ANP32E: variants seen among roughly 807,000 people sequenced by gnomAD.
ANP32E encodes the protein acidic nuclear phosphoprotein 32 family member E.
Under a neutral mutation model 35.3 loss-of-function variants are expected in ANP32E, and 14 were observed. That is an observed-to-expected ratio of 0.40 (90% confidence interval 0.26 to 0.62). The LOEUF (loss-of-function observed/expected upper bound fraction) is 0.62, where lower values mean the gene tolerates loss of function less well. Among genes scored for constraint, ANP32E ranks in the 20% least tolerant of loss-of-function variants. The probability of loss-of-function intolerance (pLI) is 0.45; values close to 1 mark genes in which losing one functional copy is unlikely to be tolerated. For missense variants in ANP32E, 198 were observed against 304.4 expected, an observed-to-expected ratio of 0.65 and a Z score of 2.60; for synonymous variants, 89 against 110.4, an observed-to-expected ratio of 0.81 and a Z score of 1.22.
In ANP32E at chr1:150,232,502, G is replaced by A. The variant is rs201843447; in HGVS notation, c.55-576C>T. ...TTTTTTTTTTTGTAGATGGAGTCTT[G>A]CTCTGTTACCCAGGCTGGAGTGCAA... On this transcript the variant is annotated intron_variant, in intron 1 of 6. Transcript: ENST00000583931. Among the ~76,000 whole-genome samples, 7 of 97,064 alleles carry A rather than the reference G, an allele frequency of 7.2e-5. No homozygotes were observed. The East Asian group carries it at 1.8e-3, about 26-fold the overall frequency. The allele number at this position is 97,064 out of a possible 152,430, so 63.7% of individuals were successfully genotyped here. A position where few individuals can be genotyped will look rare whatever the true frequency, so the allele number is the denominator to read the frequency against.
intron 6 of ANP32E, among the ~76,000 whole-genome samples, chr1:150,221,962 C>T (rs898785456): frequency 2.6e-5 from 4 of 151,906 alleles, no homozygotes; most frequent in Non-Finnish European, 4.4e-5. Context: ...TGGTGGTGGG[C>T]ACCTGTAGTC....
rs1572002840 is a variant in ANP32E, at chr1:150,220,822, T to C, written c.737-61A>G. Reference sequence around the variant, plus strand: ...TTTTAACAAATGAGGATTGGTTACATTTTTGAATCTTAGTGAAAAGTTAAT... The same window carrying C: ...TTTTAACAAATGAGGATTGGTTACACTTTTGAATCTTAGTGAAAAGTTAAT... On this transcript the variant is annotated intron_variant, in intron 6 of 6. Transcript: ENST00000583931. 2.7e-6 allele frequency: 4 copies of C among 1,461,920 alleles called. No homozygotes were observed. In the East Asian group the frequency reaches 6.8e-5, roughly 25 times the overall value. 90.6% of individuals were successfully genotyped at this position (1,461,920 alleles called of 1,614,324 possible).
At chr1:150,231,718 A>C (rs1649360808) in intron 2 of ANP32E, 59 bp downstream of exon 2, 14 of 1,494,536 alleles carry the variant, frequency 9.4e-6, no homozygotes, top group African/African-American at 2.1e-5. Flanking sequence ...ATTTGGCCAA[A>C]CACTAGACAT....
rs151244423 is a variant in ANP32E, at chr1:150,235,153, G to A, written c.54+580C>T. On this transcript the variant is annotated intron_variant, in intron 1 of 6. Coordinates refer to ENST00000583931, the MANE Select transcript of ANP32E (RefSeq NM_030920.5). This position sits in a 1 kb window ranked among gnomAD's most constrained non-coding sequence, Gnocchi z 4.2. The stretch of plus-strand genomic sequence containing the variant: ...CCCAGATTCCGCCGGGCGAAGGGCA[G>A]AGGGCGGCGCGCGCGGCTTCCCGGA... 0.012 allele frequency among the ~76,000 whole-genome samples: 1,897 copies of A among 152,328 alleles called. 52 individuals are homozygous for A. Among genetic ancestry groups the A allele is most frequent in the African/African-American group, 0.041 (1,684 of 41,578 alleles).
intron 1 of ANP32E, among the ~76,000 whole-genome samples, chr1:150,234,219 T>C (rs1649590116): frequency 6.6e-6 from 1 of 151,970 alleles, no homozygotes; most frequent in South Asian, 2.1e-4. Context: ...GGGGGCGGGA[T>C]TCAATTTTCC....
At chr1:150,233,838 G>C (rs782732502) in intron 1 of ANP32E, among the ~76,000 whole-genome samples, 1 of 152,078 alleles carries the variant, frequency 6.6e-6, no homozygotes, top group Non-Finnish European at 1.5e-5. Context: ...AGAATGGCTT[G>C]CCTAGAGTCA....
intron 1 of ANP32E, chr1:150,234,706 C>A: frequency 1.0e-6 from 1 of 984,046 alleles, no homozygotes; most frequent in Non-Finnish European, 1.2e-6. Flanking sequence ...GCGGGGACTC[C>A]CCAAGGAAAA....
chr1:150,225,438 G>C (rs929520909), intron 5 of ANP32E, among the ~76,000 whole-genome samples: 1 of 152,068 alleles, frequency 6.6e-6, no homozygotes, highest in Non-Finnish European at 1.5e-5. Flanking sequence ...GGGATGCCAA[G>C]GTGGGCGGAT....
intron 3 of ANP32E, among the ~76,000 whole-genome samples, chr1:150,229,709 C>G (rs1332824297): frequency 6.6e-6 from 1 of 152,230 alleles, no homozygotes; most frequent in Admixed American, 6.5e-5. Flanking sequence ...AACTCCTGAC[C>G]TCAGGTGATC....
At position 150,219,159 on chromosome 1, in the gene ANP32E, A is replaced by T. The variant is rs1648147745; in HGVS notation, c.*1532T>A. 6.6e-6 allele frequency: 1 copy of T among 152,220 alleles called. No homozygotes were observed. The highest frequency in any genetic ancestry group is 1.5e-5 in the Non-Finnish European group (1 of 68,030). 9.4% of individuals were successfully genotyped at this position (152,220 alleles called of 1,614,324 possible). ...GTATTTAAATATGTCCCAGTATAGA[A>T]GCATAACTTCAATTAATTTGCTGAC... On this transcript the variant is annotated 3_prime_UTR_variant, in exon 7 of 7. Transcript: ENST00000583931.
chr1:150,232,534 G>A (rs1486027378), intron 1 of ANP32E, among the ~76,000 whole-genome samples: 1 of 141,414 alleles, frequency 7.1e-6, no homozygotes, highest in Non-Finnish European at 1.5e-5. Flanking sequence ...GCAATGGCAC[G>A]ATCTCGGCTC....
rs1319453838 is a variant in ANP32E at position 150,235,559 on chromosome 1, A to G, written c.54+174T>C. Among the ~76,000 whole-genome samples the G allele has an allele frequency of 6.6e-6, 1 of 152,220 alleles. No homozygotes were observed. The highest frequency in any genetic ancestry group is 1.5e-5 in the Non-Finnish European group (1 of 68,046). On this transcript the variant is annotated intron_variant, in intron 1 of 6. Transcript: ENST00000583931. The surrounding 1 kb of genome is among the most constrained non-coding windows in gnomAD (Gnocchi z 4.2). ...AGAAACTTCAACCCTTCGCCATTTTAAGTAGAAGATTTTAATGATTTAAAA... is the reference window on the plus strand; with the variant it reads ...AGAAACTTCAACCCTTCGCCATTTTGAGTAGAAGATTTTAATGATTTAAAA...
intron 6 of ANP32E, among the ~76,000 whole-genome samples, chr1:150,221,417 C>T (rs1324000248): frequency 1.1e-4 from 11 of 97,232 alleles, no homozygotes; most frequent in South Asian, 3.9e-4. Context: ...CCAGTCTGGG[C>T]GACAGAGCAA....
At chr1:150,222,426 AT>A (rs1209562007) in intron 6 of ANP32E, among the ~76,000 whole-genome samples, 1,388 of 33,944 alleles carry the variant, frequency 0.041, 27 homozygotes, top group African/African-American at 0.38. Context: ...CTCAAAAAAA[AT>A]AAATAAATAA....
chr1:150,226,788 A>G lies in ANP32E; in HGVS notation c.501T>C (p.Asp167=). 3 of 1,601,172 alleles carry G rather than the reference A, an allele frequency of 1.9e-6. No homozygotes were observed. Among genetic ancestry groups the G allele is most frequent in the Non-Finnish European group, 2.6e-6 (3 of 1,175,566 alleles). The change falls in exon 5 of 7, where the codon GAT becomes GAC. Residue 167 remains aspartate (D), a synonymous_variant. Transcript: ENST00000583931. ...DSEEEDDEDG[D]EDDEEEEENE... ...TTTCCTCTTCCTCTTCATCATCTTC[A>G]TCGCCATCTTTAAAAAATCATTTAA...
rs587760949 is a variant in ANP32E, at chr1:150,221,203, C to T, written c.737-442G>A. On this transcript the variant is annotated intron_variant, in intron 6 of 6. Transcript: ENST00000583931. ...CAGTAATTCCAATACCTTGGGAGGC[C>T]GAGCCAGGCGGATCACTTAAGGTCA... is the stretch of plus-strand genomic sequence containing the variant. 6.7e-5 allele frequency among the ~76,000 whole-genome samples: 10 copies of T among 149,240 alleles called. No homozygotes were observed. In the South Asian group the frequency reaches 1.9e-3, roughly 28 times the overall value.
At chr1:150,222,839 G>A (rs994563446) in intron 6 of ANP32E, among the ~76,000 whole-genome samples, 37 of 151,794 alleles carry the variant, frequency 2.4e-4, no homozygotes, top group Non-Finnish European at 4.6e-4. Flanking sequence ...ATTATCTGGA[G>A]TTCAACTGCT....
At chr1:150,220,783 T>C (rs1030301940) in intron 6 of ANP32E, 22 bp from the exon 7 acceptor site, 6 of 1,592,500 alleles carry the variant, frequency 3.8e-6, no homozygotes, top group Admixed American at 1.7e-5. Flanking sequence ...GAAAGAAAAA[T>C]GCAAAGTGCT....
chr1:150,228,985 C>A, intron 4 of ANP32E, 87 bp downstream of exon 4: 1 of 1,186,118 alleles, frequency 8.4e-7, no homozygotes, highest in Non-Finnish European at 1.2e-6. Flanking sequence ...TTTTTTTTCA[C>A]ACCTAAATTT....
Sources: gnomAD v4.1 joint callset for allele counts (sites outside exome capture counted in the v4.1 genomes callset) on GRCh38, gnomAD v4.1.1 for gene constraint, Gnocchi (gnomAD v3.1) non-coding constraint, MANE v1.5 for transcripts, NCBI Gene and HGNC (gene_info 2026-07-23, HGNC 2026-07-21) for gene names.